CACNA2D3: variants seen among roughly 807,000 people sequenced by gnomAD.
The protein encoded by CACNA2D3 is voltage-dependent calcium channel subunit alpha-2/delta-3.
CACNA2D3 carries 60 observed loss-of-function variants against 160.6 expected under a neutral mutation model. That is an observed-to-expected ratio of 0.37 (90% CI 0.30 to 0.46). The LOEUF (loss-of-function observed/expected upper bound fraction) is 0.46, where lower values mean the gene tolerates loss of function less well. Ranked by LOEUF, CACNA2D3 falls within the 20% of genes least tolerant of loss-of-function variation. The pLI is 1.00. For synonymous variants in CACNA2D3, 558 were observed against 492.9 expected (o/e 1.13, Z -1.75); for missense variants, 1,205 against 1,365.0 (o/e 0.88, Z 1.85).
At chr3:54,510,190 A>T (rs188409573) in intron 5 of CACNA2D3, among the ~76,000 whole-genome samples, 1 of 151,910 alleles carries the variant, frequency 6.6e-6, no homozygotes, top group East Asian at 1.9e-4. Context: ...GGAGGGATGG[A>T]TGGATGGATG....
chr3:55,044,578 C>G lies in CACNA2D3; in HGVS notation c.2987+26261C>G, dbSNP rs554366849. Among the ~76,000 whole-genome samples the G allele has an allele frequency of 1.3e-4, 20 of 151,852 alleles. 1 individual carries two copies. In the South Asian group the frequency reaches 3.5e-3, roughly 27 times the overall value. On this transcript the variant is annotated intron_variant, in intron 35 of 37. Coordinates refer to ENST00000474759, the MANE Select transcript of CACNA2D3 (RefSeq NM_018398.3). Reference sequence around the variant, plus strand: ...TATTTCTTCCTTTCCAATCTGTATGCCTTTTGTTTCTTTTATTTCTTCTTT... The same window carrying G: ...TATTTCTTCCTTTCCAATCTGTATGGCTTTTGTTTCTTTTATTTCTTCTTT...
Position 54,929,757 on chromosome 3 carries a change from C to T in CACNA2D3, c.2449+29889C>T, listed in dbSNP as rs560572612. Among the ~76,000 whole-genome samples, 6 of 152,228 alleles carry T rather than the reference C, an allele frequency of 3.9e-5. No homozygotes were observed. The East Asian group carries it at 1.2e-3, about 29-fold the overall frequency. ...GATTTCTTCCCTCCTTCCTTCCAAT[C>T]CCTCCTTCCTATCCATCTGTTTCAG... On this transcript the variant is annotated intron_variant, in intron 27 of 37. Transcript: ENST00000474759.
intron 27 of CACNA2D3, among the ~76,000 whole-genome samples, chr3:54,950,541 C>T (rs1178885939): frequency 6.6e-6 from 1 of 152,188 alleles, no homozygotes; most frequent in African/African-American, 2.4e-5. Flanking sequence ...TGCAATGCTT[C>T]CTCCTGTTTC....
intron 9 of CACNA2D3, among the ~76,000 whole-genome samples, chr3:54,609,217 C>G (rs1698697359): frequency 6.6e-6 from 1 of 152,154 alleles, no homozygotes. Context: ...ACTAAAAGAC[C>G]TAGTGATAAG....
chr3:54,786,625 A>C (rs1702646938), intron 13 of CACNA2D3, among the ~76,000 whole-genome samples: 1 of 152,250 alleles, frequency 6.6e-6, no homozygotes, highest in Admixed American at 6.5e-5. Context: ...GTAAATAAAT[A>C]GCAAATAACT....
chr3:54,729,998 CAAA>C lies in CACNA2D3; in HGVS notation c.1168-22580_1168-22578del, dbSNP rs56364535. Among the ~76,000 whole-genome samples the C allele has an allele frequency of 6.6e-3, 717 of 109,410 alleles. 5 individuals carry two copies. Among genetic ancestry groups the C allele is most frequent in the East Asian group, 0.026 (92 of 3,540 alleles). The allele number at this position is 109,410 out of a possible 152,430, so 71.8% of individuals were successfully genotyped here. A position where few individuals can be genotyped will look rare whatever the true frequency, so the allele number is the denominator to read the frequency against. On this transcript the variant is annotated intron_variant, in intron 11 of 37. Coordinates refer to ENST00000474759, the MANE Select transcript of CACNA2D3 (RefSeq NM_018398.3). ...TGGACAACAGAGCAAGACTCCATCT[CAAA>C]AAAAAAAAAAAAAAAAAAAATTAGT... is the stretch of plus-strand genomic sequence containing the variant.
intron 5 of CACNA2D3, among the ~76,000 whole-genome samples, chr3:54,551,458 G>A (rs1175750499): frequency 6.6e-6 from 1 of 152,116 alleles, no homozygotes; most frequent in African/African-American, 2.4e-5. Flanking sequence ...ATACCCTTTG[G>A]GTGGGTTGTT....
rs3028897 is a variant in CACNA2D3, at chr3:54,445,555, T to TACACACACACACACAC, written c.382-57918_382-57903dup. Among the ~76,000 whole-genome samples the TACACACACACACACAC allele has an allele frequency of 6.2e-3, 910 of 147,204 alleles. 6 individuals are homozygous for TACACACACACACACAC. The highest frequency in any genetic ancestry group is 0.031 in the Middle Eastern group (9 of 290). On this transcript the variant is annotated intron_variant, in intron 4 of 37. Transcript: ENST00000474759. ...TATGTATACTTTTTATTTCTATGTA[T>TACACACACACACACAC]ACACACACACACACACACACACACA... is the stretch of plus-strand genomic sequence containing the variant.
intron 35 of CACNA2D3, among the ~76,000 whole-genome samples, chr3:55,059,408 G>A (rs527614185): frequency 1.3e-5 from 2 of 152,194 alleles, no homozygotes; most frequent in East Asian, 1.9e-4. Flanking sequence ...AAACAGGAGA[G>A]TTATCTGACC....
intron 2 of CACNA2D3, among the ~76,000 whole-genome samples, chr3:54,205,411 C>T (rs890357069): frequency 1.3e-5 from 2 of 152,132 alleles, no homozygotes; most frequent in Non-Finnish European, 2.9e-5. Flanking sequence ...AAATTTAAAG[C>T]AGCTCATAAC....
intron 5 of CACNA2D3, among the ~76,000 whole-genome samples, chr3:54,506,825 G>A (rs527996034): frequency 3.3e-5 from 5 of 152,272 alleles, no homozygotes; most frequent in East Asian, 1.9e-4. Flanking sequence ...CTTTAGAGCC[G>A]TAAATGACTC....
At chr3:54,663,349 C>T (rs1400269231) in intron 11 of CACNA2D3, among the ~76,000 whole-genome samples, 1 of 152,170 alleles carries the variant, frequency 6.6e-6, no homozygotes. Context: ...GTCTTCAGCC[C>T]TTCTGGACTC....
At chr3:55,028,085 T>C (rs1703604083) in intron 35 of CACNA2D3, among the ~76,000 whole-genome samples, 1 of 152,242 alleles carries the variant, frequency 6.6e-6, no homozygotes, top group African/African-American at 2.4e-5. Context: ...AAGAACAAAG[T>C]TGAGCTGCGT....
intron 34 of CACNA2D3, among the ~76,000 whole-genome samples, chr3:55,012,862 A>G (rs1463473073): frequency 6.6e-6 from 1 of 152,094 alleles, no homozygotes; most frequent in African/African-American, 2.4e-5. Flanking sequence ...TGGTCTGTGC[A>G]CCCATGACGT....
chr3:54,196,476 A>C (rs1701083479), intron 2 of CACNA2D3, among the ~76,000 whole-genome samples: 1 of 152,220 alleles, frequency 6.6e-6, no homozygotes, highest in Admixed American at 6.5e-5. Context: ...GCTAGACCCC[A>C]GCTTGCCTCC....
At chr3:54,582,214 T>G (rs928631309) in intron 9 of CACNA2D3, among the ~76,000 whole-genome samples, 58 of 152,242 alleles carry the variant, frequency 3.8e-4, no homozygotes, top group African/African-American at 1.3e-3. Context: ...ACCCACTTGT[T>G]ATTTCCCTTG....
chr3:54,810,461 C>G (rs1360731066), intron 13 of CACNA2D3, among the ~76,000 whole-genome samples: 1 of 152,104 alleles, frequency 6.6e-6, no homozygotes, highest in Non-Finnish European at 1.5e-5. Context: ...TCTTTATCCA[C>G]ATTGCTTAAT....
chr3:54,657,512 TCAA>T (rs1352687866), intron 11 of CACNA2D3, among the ~76,000 whole-genome samples: 1 of 152,176 alleles, frequency 6.6e-6, no homozygotes, highest in Non-Finnish European at 1.5e-5. Context: ...TTATACACAT[TCAA>T]CAACAGCTCC....
chr3:54,653,208 C>T (rs1200184548), intron 11 of CACNA2D3, among the ~76,000 whole-genome samples: 1 of 152,180 alleles, frequency 6.6e-6, no homozygotes, highest in African/African-American at 2.4e-5. Context: ...ATTAACTCTC[C>T]TCATCACACC....
Sources: allele counts gnomAD v4.1 joint callset (sites outside exome capture counted in the v4.1 genomes callset), GRCh38; gene constraint gnomAD v4.1.1; transcripts MANE v1.5; gene names NCBI Gene and HGNC (gene_info 2026-07-23, HGNC 2026-07-21).